NRL: variants seen among roughly 807,000 people sequenced by gnomAD.
NRL encodes neural retina-specific leucine zipper protein.
In NRL, 16 loss-of-function variants were observed where a neutral mutation model predicts 12.5. That is an observed-to-expected ratio of 1.28 (90% CI 0.87 to 1.95). The LOEUF (loss-of-function observed/expected upper bound fraction) is 1.95, where lower values mean the gene tolerates loss of function less well. Ranked by LOEUF, NRL falls within the 30% of genes most tolerant of loss-of-function variation. The pLI, the probability that NRL is intolerant of heterozygous loss-of-function variation, is 0.00. For missense variants in NRL, 314 were observed against 325.8 expected, an observed-to-expected ratio of 0.96 and a Z score of 0.28; for synonymous variants, 142 against 150.9, an observed-to-expected ratio of 0.94 and a Z score of 0.43.
At chr14:24,100,061 C>A in intron 1 of NRL, 1 of 1,613,312 alleles carries the variant, frequency 6.2e-7, no homozygotes, top group Non-Finnish European at 8.5e-7. Flanking sequence ...TCTGCCACCA[C>A]CAATCCCAAC....
rs770601445 is a variant in NRL, at chr14:24,103,910, C to T, written c.-28+10812G>A. ...CAGAGCAGGTCAACCAGGATCTGCC[C>T]AAAGAGGTGTTGGCTGAGCTTGAGG... On this transcript the variant is annotated intron_variant, in intron 1 of 2. Transcript: ENST00000561028. 1.9e-6 allele frequency: 3 copies of T among 1,614,058 alleles called. No individual in the cohort carries two copies. In the Admixed American group the frequency reaches 5.0e-5, roughly 27 times the overall value.
chr14:24,091,980 GC>G (rs1384377277), intron 1 of NRL, among the ~76,000 whole-genome samples: 2 of 152,112 alleles, frequency 1.3e-5, no homozygotes, highest in African/African-American at 4.8e-5. Context: ...CTGGGGTCCT[GC>G]CTCCCTTTTT....
intron 1 of NRL, among the ~76,000 whole-genome samples, chr14:24,096,388 G>A (rs1456219548): frequency 1.3e-5 from 2 of 151,830 alleles, no homozygotes; most frequent in Non-Finnish European, 2.9e-5. Flanking sequence ...AGAGGCACAC[G>A]CCACCACATC....
In NRL at chr14:24,096,885, C is replaced by A. The variant is rs917842713; in HGVS notation, c.-27-14010G>T. 3 of 1,610,862 alleles carry A rather than the reference C, an allele frequency of 1.9e-6. No homozygotes were observed. In the African/African-American group the frequency reaches 4.0e-5, roughly 22 times the overall value. ...CAACTAGCTCATTGCCTCTGTTTCT[C>A]CTATAGGCTTAACTGGCATGGGCTG... is the stretch of plus-strand genomic sequence containing the variant. On this transcript the variant is annotated intron_variant, in intron 1 of 2. Coordinates refer to ENST00000561028, the MANE Select transcript of NRL (RefSeq NM_001354768.3).
At chr14:24,103,660 C>A (rs1483128851) in intron 1 of NRL, 14 of 1,614,210 alleles carry the variant, frequency 8.7e-6, no homozygotes, top group Non-Finnish European at 1.2e-5. Context: ...CGTGACGAGG[C>A]AGGGCACTTC....
chr14:24,094,632 C>T lies in NRL; in HGVS notation c.-27-11757G>A. The T allele has an allele frequency of 1.4e-6, 2 of 1,475,428 alleles. No individual in the cohort carries two copies. The highest frequency in any genetic ancestry group is 9.0e-7 in the Non-Finnish European group (1 of 1,114,332). 91.4% of individuals were successfully genotyped at this position (1,475,428 alleles called of 1,614,324 possible). A position where few individuals can be genotyped will look rare whatever the true frequency, so the allele number is the denominator to read the frequency against. On this transcript the variant is annotated intron_variant, in intron 1 of 2. Coordinates refer to ENST00000561028, the MANE Select transcript of NRL (RefSeq NM_001354768.3). The surrounding 1 kb of genome is among the most constrained non-coding windows in gnomAD (Gnocchi z 4.1). ...GGCAGCCGGCCGGTGCTCCTCGTTT[C>T]CGCCTGCACCTCCCCTTCTCTGCCT...
At chr14:24,108,267 G>T (rs11629199) in intron 1 of NRL, among the ~76,000 whole-genome samples, 10,942 of 152,224 alleles carry the variant, frequency 0.072, 474 homozygotes, top group South Asian at 0.15. Context: ...ATTGTTTCTA[G>T]ATCTTTTTGG....
intron 1 of NRL, among the ~76,000 whole-genome samples, chr14:24,086,386 C>G (rs964158003): frequency 6.6e-6 from 1 of 152,222 alleles, no homozygotes; most frequent in African/African-American, 2.4e-5. Flanking sequence ...TGACATCACT[C>G]TCTTCCCACA....
At chr14:24,099,384 C>A in intron 1 of NRL, 1 of 1,001,466 alleles carries the variant, frequency 1.0e-6, no homozygotes, top group Non-Finnish European at 1.4e-6. Flanking sequence ...TGGCCTCAGG[C>A]TGCTGAATGT....
intron 1 of NRL, among the ~76,000 whole-genome samples, chr14:24,090,491 T>C (rs2036592181): frequency 6.6e-6 from 1 of 152,126 alleles, no homozygotes; most frequent in South Asian, 2.1e-4. Flanking sequence ...GGGCATTGCA[T>C]TTGGTGAGAC....
chr14:24,098,550 C>G, intron 1 of NRL: 1 of 1,614,228 alleles, frequency 6.2e-7, no homozygotes, highest in Non-Finnish European at 8.5e-7. Context: ...GTGCAGCTCA[C>G]TGACTCAGCC....
intron 1 of NRL, chr14:24,110,569 C>A (rs2037404142): frequency 6.3e-6 from 1 of 158,142 alleles, no homozygotes; most frequent in South Asian, 1.3e-4. Flanking sequence ...GGAATAGGTA[C>A]CTTAAAAAAA....
Position 24,079,431 on chromosome 14 carries a change from G to A in NRL, c.*1805C>T, listed in dbSNP as rs1293814237. Among the ~76,000 whole-genome samples the A allele has an allele frequency of 6.6e-6, 1 of 152,246 alleles. No homozygotes were observed. The highest frequency in any genetic ancestry group is 1.5e-5 in the Non-Finnish European group (1 of 68,036). On this transcript the variant is annotated 3_prime_UTR_variant, in exon 3 of 3. Coordinates refer to ENST00000561028, the MANE Select transcript of NRL (RefSeq NM_001354768.3). ...AGGGGATGAAGAAAGAGAAGCTAAA[G>A]GTTCTGTGAGCCCCTCAGAGAGAGA...
At chr14:24,095,600 G>A (rs1390263527) in intron 1 of NRL, among the ~76,000 whole-genome samples, 5 of 152,206 alleles carry the variant, frequency 3.3e-5, no homozygotes, top group Non-Finnish European at 7.4e-5. Flanking sequence ...GTGGCCTCTA[G>A]GAAGAAGAGC....
Position 24,082,876 on chromosome 14 carries a change from C to A in NRL, c.-27-1G>T. 1 of 1,601,220 alleles carries A rather than the reference C, an allele frequency of 6.2e-7. No individual in the cohort carries two copies. Among genetic ancestry groups the A allele is most frequent in the South Asian group, 1.1e-5 (1 of 89,764 alleles). The stretch of plus-strand genomic sequence containing the variant: ...TGGAGCTGGGCTGGGAGGAGTGCAC[C>A]TGCAAAGAGGAGGAGAGGTCTGGAG... On this transcript the variant is annotated splice_acceptor_variant, in intron 1 of 2. Transcript: ENST00000561028. LOFTEE classifies it low-confidence loss of function (5UTR_SPLICE).
At chr14:24,107,174 G>A (rs1301771465) in intron 1 of NRL, among the ~76,000 whole-genome samples, 1 of 152,294 alleles carries the variant, frequency 6.6e-6, no homozygotes, top group East Asian at 1.9e-4. Context: ...GCAGGGAACT[G>A]GGGTTCCAGG....
chr14:24,101,221 T>C (rs2037148627), intron 1 of NRL, among the ~76,000 whole-genome samples: 2 of 152,234 alleles, frequency 1.3e-5, no homozygotes, highest in African/African-American at 4.8e-5. Flanking sequence ...TTTGGGGGCA[T>C]AACTAGGGCA....
intron 1 of NRL, among the ~76,000 whole-genome samples, chr14:24,086,232 A>C (rs2036463352): frequency 6.6e-6 from 1 of 152,086 alleles, no homozygotes; most frequent in Admixed American, 6.5e-5. Flanking sequence ...AAGAAGAGAA[A>C]AGAAAGAAAG....
rs990770413 is a variant in NRL, at chr14:24,081,810, C to G, written c.382-242G>C. The G allele has an allele frequency of 1.5e-5, 22 of 1,470,844 alleles. No individual in the cohort carries two copies. In the African/African-American group the frequency reaches 2.9e-4, roughly 19 times the overall value. The allele number at this position is 1,470,844 out of a possible 1,614,324, so 91.1% of individuals were successfully genotyped here. On this transcript the variant is annotated intron_variant, in intron 2 of 2. Coordinates refer to ENST00000561028, the MANE Select transcript of NRL (RefSeq NM_001354768.3). The surrounding 1 kb of genome is among the most constrained non-coding windows in gnomAD (Gnocchi z 4.4). ...GGGCGCCCCACGGTGCAGGGCCGGC[C>G]ACGGTCAGGCGAGCCCGTCGCGCAC...
Sources: allele counts gnomAD v4.1 joint callset (sites outside exome capture counted in the v4.1 genomes callset), GRCh38; gene constraint gnomAD v4.1.1; non-coding constraint Gnocchi (gnomAD v3.1); transcripts MANE v1.5; gene names NCBI Gene and HGNC (gene_info 2026-07-23, HGNC 2026-07-21).